The following NDUFC1 variants were observed in gnomAD, a reference collection of about 807,000 sequenced individuals.
The protein encoded by NDUFC1 is NADH dehydrogenase [ubiquinone] 1 subunit C1, mitochondrial.
NDUFC1 carries 11 observed loss-of-function variants against 11.6 expected under a neutral mutation model. The observed-to-expected ratio is 0.95, with a 90% CI of 0.60 to 1.58. NDUFC1 has a LOEUF of 1.58. Ranked by LOEUF, NDUFC1 falls within the 40% of genes most tolerant of loss-of-function variation. The pLI, the probability that NDUFC1 is intolerant of heterozygous loss-of-function variation, is 0.00. For missense variants in NDUFC1, 112 were observed against 93.0 expected (o/e 1.20, Z -0.84); for synonymous variants, 52 against 42.2 (o/e 1.23, Z -0.90).
At chr4:139,295,181 T>TA (rs761427410) in intron 3 of NDUFC1, 35 bp from the exon 4 acceptor site, 2 of 1,540,180 alleles carry the variant, frequency 1.3e-6, no homozygotes, top group South Asian at 2.2e-5. Flanking sequence ...ATTTGTAACT[T>TA]ACTGCCTTGT....
At chr4:139,291,020 C>T (rs1366756651) in intron 5 of NDUFC1, among the ~76,000 whole-genome samples, 1 of 151,344 alleles carries the variant, frequency 6.6e-6, no homozygotes, top group Non-Finnish European at 1.5e-5. Context: ...CCACGTTGGC[C>T]AGGCTGGTCT....
At chr4:139,295,340 C>T (rs140470470) in intron 3 of NDUFC1, among the ~76,000 whole-genome samples, 194 bp from the exon 4 acceptor site, 1,772 of 152,288 alleles carry the variant, frequency 0.012, 12 homozygotes, top group East Asian at 0.029. Context: ...ACAGGACGCA[C>T]CTGTCCTGTC....
intron 5 of NDUFC1, among the ~76,000 whole-genome samples, chr4:139,292,147 T>C (rs1046022170): frequency 6.6e-6 from 1 of 152,132 alleles, no homozygotes; most frequent in Non-Finnish European, 1.5e-5. Context: ...GATTTTGGTT[T>C]CATTCTTAAA....
At chr4:139,301,431 G>C in intron 1 of NDUFC1, 1 of 434,172 alleles carries the variant, frequency 2.3e-6, no homozygotes, top group East Asian at 3.5e-5. Context: ...AGAGGAGGTG[G>C]GGAAAGGAGG....
At position 139,295,733 on chromosome 4, in the gene NDUFC1, G is replaced by A. The variant is rs145255604; in HGVS notation, c.66C>T (p.Gly22=). The part of the protein sequence containing the change: ...RLLAPARLPS[G]PSVRSKFYVR... ...GGCCTGCACGAGGAGGATACTCACG[G>A]CCGCTCGGGAGCCTGGCGGGGGCCA... The change falls in exon 3 of 6, where the codon GGC becomes GGT. Residue 22 remains glycine (G), a splice_region_variant and synonymous_variant. Coordinates refer to ENST00000394223, the MANE Select transcript of NDUFC1 (RefSeq NM_001184989.2). The A allele has an allele frequency of 1.9e-6, 3 of 1,543,116 alleles. No homozygotes were observed. The highest frequency in any genetic ancestry group is 2.6e-6 in the Non-Finnish European group (3 of 1,144,780).
chr4:139,301,846 C>G (rs569978566), intron 1 of NDUFC1: 3 of 1,583,854 alleles, frequency 1.9e-6, no homozygotes, highest in Non-Finnish European at 2.6e-6. Context: ...GTGTGAGGCT[C>G]CGGGCAAGCG....
chr4:139,296,024 C>G lies in NDUFC1; in HGVS notation c.-162-64G>C, dbSNP rs994996548. On this transcript the variant is annotated intron_variant, in intron 2 of 5. Coordinates refer to ENST00000394223, the MANE Select transcript of NDUFC1 (RefSeq NM_001184989.2). ...AAAGAGTTTACCTATTCTCTGTCCT[C>G]TGGGGGTTTTTCACCCCATCTCTAC... 1.6e-5 allele frequency: 8 copies of G among 512,224 alleles called. No individual in the cohort carries two copies. In the Admixed American group the frequency reaches 2.1e-4, roughly 14 times the overall value. 31.7% of individuals were successfully genotyped at this position (512,224 alleles called of 1,614,324 possible).
chr4:139,302,181 G>C (rs1442167903), intron 1 of NDUFC1: 1 of 262,984 alleles, frequency 3.8e-6, no homozygotes. Context: ...GTCGCGGCCC[G>C]GTTGGTGTGG....
rs77577322 is a variant in NDUFC1 at position 139,300,285 on chromosome 4, C to T, written c.-222+2131G>A. 6.4e-3 allele frequency among the ~76,000 whole-genome samples: 981 copies of T among 152,212 alleles called. 7 individuals carry two copies. The highest frequency in any genetic ancestry group is 9.8e-3 in the Non-Finnish European group (667 of 68,016). On this transcript the variant is annotated intron_variant, in intron 1 of 5. Transcript: ENST00000394223. Reference sequence around the variant, plus strand: ...CCTTATTTATGACCCCGGTGAAGGGCGAGGACAATCAATATAGCAGCTACA... The same window carrying T: ...CCTTATTTATGACCCCGGTGAAGGGTGAGGACAATCAATATAGCAGCTACA...
rs1008815663 is a variant in NDUFC1, at chr4:139,292,303, T to C, written c.*20+227A>G. 5.3e-5 allele frequency among the ~76,000 whole-genome samples: 8 copies of C among 151,500 alleles called. 1 individual carries two copies. Among genetic ancestry groups the C allele is most frequent in the Non-Finnish European group, 1.5e-5 (1 of 67,962 alleles). ...GAGTGAGACCAGCCTGGCCAACAGG[T>C]CTACAAACAAACAAACAACAAACAA... On this transcript the variant is annotated intron_variant, in intron 5 of 5. Transcript: ENST00000394223.
At chr4:139,298,771 C>T (rs758403558) in intron 1 of NDUFC1, among the ~76,000 whole-genome samples, 5 of 151,484 alleles carry the variant, frequency 3.3e-5, no homozygotes, top group African/African-American at 9.7e-5. Flanking sequence ...CCTCTGGGGC[C>T]GAAGGAATCT....
chr4:139,301,406 C>G, intron 1 of NDUFC1: 3 of 425,330 alleles, frequency 7.1e-6, no homozygotes, highest in Non-Finnish European at 1.3e-5. Flanking sequence ...GGTTTCCCGG[C>G]AAGCTCCGAA....
At chr4:139,298,592 C>T (rs933030593) in intron 1 of NDUFC1, among the ~76,000 whole-genome samples, 1 of 151,768 alleles carries the variant, frequency 6.6e-6, no homozygotes, top group Non-Finnish European at 1.5e-5. Context: ...TGTCTATACA[C>T]ACACACAAAA....
At chr4:139,301,640 G>A in intron 1 of NDUFC1, 1 of 955,580 alleles carries the variant, frequency 1.0e-6, no homozygotes, top group Non-Finnish European at 1.6e-6. Flanking sequence ...AGGGCAACGC[G>A]GCGACACCCG....
intron 3 of NDUFC1, 36 bp downstream of exon 3, chr4:139,295,696 G>A: frequency 6.5e-7 from 1 of 1,530,814 alleles, no homozygotes; most frequent in Non-Finnish European, 8.8e-7. Context: ...GGGGTAATCT[G>A]AGGGTCGAGT....
intron 5 of NDUFC1, among the ~76,000 whole-genome samples, 191 bp downstream of exon 5, chr4:139,292,339 A>C (rs374849601): frequency 0.045 from 6,577 of 145,376 alleles, 206 homozygotes; most frequent in East Asian, 0.065. Flanking sequence ...AAAAAACCCC[A>C]TCCCCCCCAA....
At chr4:139,301,750 G>GGCGGGAGCA (rs760053172) in intron 1 of NDUFC1, 33 of 1,557,568 alleles carry the variant, frequency 2.1e-5, no homozygotes, top group Non-Finnish European at 2.9e-5. Flanking sequence ...GCCGGGTGGT[G>GGCGGGAGCA]GCGGGAGCAG....
rs1437702806 is a variant in NDUFC1 at position 139,295,805 on chromosome 4, T to C, written c.-7A>G. Reference sequence around the variant, plus strand: ...GCAAGGCGGACGGCGCCATCTTGCGTGGCCCAGCTCAGTCTCTCCGAGTTG... The same window carrying C: ...GCAAGGCGGACGGCGCCATCTTGCGCGGCCCAGCTCAGTCTCTCCGAGTTG... On this transcript the variant is annotated 5_prime_UTR_variant, in exon 3 of 6. Transcript: ENST00000394223. The C allele has an allele frequency of 4.5e-6, 7 of 1,545,052 alleles. No homozygotes were observed. Among genetic ancestry groups the C allele is most frequent in the Admixed American group, 2.0e-5 (1 of 48,834 alleles).
At position 139,292,809 on chromosome 4, in the gene NDUFC1, A is replaced by AAT. The variant is rs1355202536; in HGVS notation, c.172-202_172-201dup. The stretch of plus-strand genomic sequence containing the variant: ...CCTAAATTTGAGAAGGGAGCCCTTA[A>AAT]ATATATATATATATATTTATTTATT... On this transcript the variant is annotated intron_variant, in intron 4 of 5. Coordinates refer to ENST00000394223, the MANE Select transcript of NDUFC1 (RefSeq NM_001184989.2). Among the ~76,000 whole-genome samples, 732 of 149,280 alleles carry AAT rather than the reference A, an allele frequency of 4.9e-3. 3 individuals are homozygous for AAT. The highest frequency in any genetic ancestry group is 0.016 in the African/African-American group (643 of 40,802).
Sources: allele counts gnomAD v4.1 joint callset (sites outside exome capture counted in the v4.1 genomes callset), GRCh38; gene constraint gnomAD v4.1.1; transcripts MANE v1.5; gene names NCBI Gene and HGNC (gene_info 2026-07-23, HGNC 2026-07-21).